The following CNTN4 variants were observed in gnomAD, a reference collection of about 807,000 sequenced individuals.
The protein encoded by CNTN4 is contactin 4.
In CNTN4, 77 loss-of-function variants were observed where a neutral mutation model predicts 122.5. The observed-to-expected ratio is 0.63, with a 90% CI of 0.52 to 0.76. CNTN4 has a LOEUF of 0.76. CNTN4 is among the 30% of genes least tolerant of loss of function. The pLI, the probability that CNTN4 is intolerant of heterozygous loss-of-function variation, is 0.00. For synonymous variants in CNTN4, 512 were observed against 447.0 expected, an observed-to-expected ratio of 1.15 and a Z score of -1.83; for missense variants, 1,256 against 1,259.1, an observed-to-expected ratio of 1.00 and a Z score of 0.04.
intron 12 of CNTN4, among the ~76,000 whole-genome samples, chr3:2,906,187 C>T (rs191300941): frequency 2.4e-3 from 361 of 150,770 alleles, no homozygotes; most frequent in African/African-American, 8.2e-3. Flanking sequence ...GGGGAATCGG[C>T]GGGGGAGGGT....
At chr3:2,669,993 G>A (rs1301577927) in intron 4 of CNTN4, among the ~76,000 whole-genome samples, 7 of 152,298 alleles carry the variant, frequency 4.6e-5, no homozygotes, top group Admixed American at 1.3e-4. Context: ...TACATTTGCT[G>A]AGGAGTGCTT....
chr3:2,570,426 C>G (rs1172223008), intron 3 of CNTN4, among the ~76,000 whole-genome samples: 1 of 152,236 alleles, frequency 6.6e-6, no homozygotes, highest in Admixed American at 6.5e-5. Context: ...ATCCTCCCAT[C>G]TTGGCCTTCC....
chr3:3,005,786 C>T (rs1696553648), intron 14 of CNTN4, among the ~76,000 whole-genome samples: 1 of 152,098 alleles, frequency 6.6e-6, no homozygotes, highest in Non-Finnish European at 1.5e-5. Context: ...GACCCCACCT[C>T]CTGATACCAT....
intron 2 of CNTN4, among the ~76,000 whole-genome samples, chr3:2,239,486 C>T (rs2039842355): frequency 6.6e-6 from 1 of 152,126 alleles, no homozygotes; most frequent in Non-Finnish European, 1.5e-5. Flanking sequence ...CATTATGGAT[C>T]AGCAGTGTAG....
At chr3:2,375,136 G>A (rs1350640928) in intron 3 of CNTN4, among the ~76,000 whole-genome samples, 1 of 152,184 alleles carries the variant, frequency 6.6e-6, no homozygotes, top group Non-Finnish European at 1.5e-5. Context: ...TCAACAAGTT[G>A]ACAGTAGACA....
chr3:2,102,071 T>G (rs1323006324), intron 2 of CNTN4, among the ~76,000 whole-genome samples: 1 of 152,232 alleles, frequency 6.6e-6, no homozygotes. Flanking sequence ...GAATGTGTTT[T>G]GGAGATGTCA....
At chr3:2,965,293 G>A (rs1052336628) in intron 13 of CNTN4, among the ~76,000 whole-genome samples, 12 of 152,062 alleles carry the variant, frequency 7.9e-5, no homozygotes, top group African/African-American at 2.9e-4. Flanking sequence ...AAATTGTATT[G>A]TTTTGTGCTC....
rs1037770245 is a variant in CNTN4, at chr3:2,826,583, A to G, written c.454+7002A>G. Among the ~76,000 whole-genome samples the G allele has an allele frequency of 9.9e-5, 15 of 152,264 alleles. 5 individuals carry two copies. The highest frequency in any genetic ancestry group is 1.3e-4 in the Admixed American group (2 of 15,298). On this transcript the variant is annotated intron_variant, in intron 7 of 24. Coordinates refer to ENST00000418658, the MANE Select transcript of CNTN4 (RefSeq NM_175607.3). ...CAACTTGCTATGTGGTCTTGGGCCA[A>G]TTATGTAACTTCTCTGAGCCCTATT...
intron 13 of CNTN4, among the ~76,000 whole-genome samples, chr3:2,983,999 T>C (rs1694313239): frequency 6.6e-6 from 1 of 152,200 alleles, no homozygotes; most frequent in Non-Finnish European, 1.5e-5. Context: ...ACTTACCTCT[T>C]TGCAAATAAC....
chr3:3,002,207 G>C (rs1385145903), intron 14 of CNTN4, among the ~76,000 whole-genome samples: 6 of 152,170 alleles, frequency 3.9e-5, no homozygotes, highest in African/African-American at 1.4e-4. Flanking sequence ...GATTCGACCA[G>C]TGTGTTTGAA....
At chr3:2,223,644 C>T (rs1051291691) in intron 2 of CNTN4, among the ~76,000 whole-genome samples, 1 of 152,102 alleles carries the variant, frequency 6.6e-6, no homozygotes, top group East Asian at 1.9e-4. Context: ...CATCTGGGAT[C>T]GTGGCTGGTA....
intron 4 of CNTN4, among the ~76,000 whole-genome samples, chr3:2,651,361 T>G (rs2083349852): frequency 6.6e-6 from 1 of 152,162 alleles, no homozygotes; most frequent in Admixed American, 6.5e-5. Flanking sequence ...GCCTTTATTC[T>G]CTCCTTCTCC....
chr3:2,973,068 CCTG>C (rs1693086668), intron 13 of CNTN4, among the ~76,000 whole-genome samples: 1 of 151,980 alleles, frequency 6.6e-6, no homozygotes, highest in African/African-American at 2.4e-5. Flanking sequence ...GAACCCATTA[CCTG>C]TGCGACTTCA....
intron 2 of CNTN4, among the ~76,000 whole-genome samples, chr3:2,183,655 C>T (rs2037120615): frequency 6.6e-6 from 1 of 152,078 alleles, no homozygotes; most frequent in African/African-American, 2.4e-5. Context: ...CAACACTGAC[C>T]TCAAATAAAT....
chr3:2,111,302 G>A (rs992458783), intron 2 of CNTN4, among the ~76,000 whole-genome samples: 4 of 152,146 alleles, frequency 2.6e-5, no homozygotes, highest in Admixed American at 2.0e-4. Flanking sequence ...GTTGTTTATA[G>A]TATGTGGTGT....
chr3:2,844,682 A>G (rs1002641582), intron 7 of CNTN4, among the ~76,000 whole-genome samples: 3 of 152,210 alleles, frequency 2.0e-5, no homozygotes, highest in Non-Finnish European at 2.9e-5. Flanking sequence ...TTAGAAGTCA[A>G]CCAACAATGC....
At chr3:3,048,516 CTGTGTGTGTGTGTGTGTG>C (rs765657967) in intron 23 of CNTN4, among the ~76,000 whole-genome samples, 1 of 112,804 alleles carries the variant, frequency 8.9e-6, no homozygotes, top group African/African-American at 2.7e-5. Flanking sequence ...CTCTCTCTCT[CTGTGTGTGTGTGTGTGTG>C]TGTGTGTGTG....
At chr3:2,762,103 G>C (rs1394016608) in intron 6 of CNTN4, among the ~76,000 whole-genome samples, 3 of 152,198 alleles carry the variant, frequency 2.0e-5, no homozygotes, top group Non-Finnish European at 4.4e-5. Flanking sequence ...GTAACCTCAA[G>C]TGTGGTGAAT....
chr3:2,522,836 C>A (rs548408858), intron 3 of CNTN4, among the ~76,000 whole-genome samples: 1 of 152,072 alleles, frequency 6.6e-6, no homozygotes, highest in South Asian at 2.1e-4. Flanking sequence ...CTGAGGAATT[C>A]TTTCTTGAGT....
Sources: allele counts gnomAD v4.1 joint callset (sites outside exome capture counted in the v4.1 genomes callset), GRCh38; gene constraint gnomAD v4.1.1; transcripts MANE v1.5; gene names NCBI Gene and HGNC (gene_info 2026-07-23, HGNC 2026-07-21).